GDAP1: variants seen among roughly 807,000 people sequenced by gnomAD.
The protein encoded by GDAP1 is ganglioside-induced differentiation-associated protein 1.
In GDAP1, 34 loss-of-function variants were observed where a neutral mutation model predicts 40.1. The ratio of observed to expected loss-of-function variants is 0.85; its 90% CI spans 0.64 to 1.13. The LOEUF (loss-of-function observed/expected upper bound fraction) is 1.13. GDAP1 is among the 50% of genes most tolerant of loss of function. GDAP1 has a pLI of 0.00. For synonymous variants in GDAP1, 170 were observed against 157.4 expected (o/e 1.08, Z -0.60); for missense variants, 374 against 433.7 (o/e 0.86, Z 1.22).
At chr8:74,442,447 G>T (rs925644075) in intron 2 of GDAP1, among the ~76,000 whole-genome samples, 2 of 152,110 alleles carry the variant, frequency 1.3e-5, no homozygotes, top group Admixed American at 6.5e-5. Context: ...TTAAGTTTGG[G>T]TTGCCACTCC....
rs1806548725 is a variant in GDAP1 at position 74,471,176 on chromosome 8, A to C, written c.166-17502A>C. 3.3e-5 allele frequency among the ~76,000 whole-genome samples: 5 copies of C among 151,614 alleles called. No homozygotes were observed. In the South Asian group the frequency reaches 1.0e-3, roughly 31 times the overall value. On this transcript the variant is annotated intron_variant, in intron 2 of 2. Coordinates refer to the GDAP1 transcript ENST00000523640. The stretch of plus-strand genomic sequence containing the variant: ...TTTGTCAGATGAGTAGATTGCAAAA[A>C]TTTTCTCCCATTTTGTAGGTTGCCT...
At chr8:74,359,270 A>T (rs1423257222) in intron 2 of GDAP1, among the ~76,000 whole-genome samples, 1 of 152,200 alleles carries the variant, frequency 6.6e-6, no homozygotes, top group East Asian at 1.9e-4. Context: ...CTCCAGCTCA[A>T]GTAATCTATA....
chr8:74,374,989 C>T, intron 2 of GDAP1, among the ~76,000 whole-genome samples: 1 of 152,216 alleles, frequency 6.6e-6, no homozygotes. Flanking sequence ...ACAAAATTAT[C>T]TTATGAGACC....
chr8:74,434,772 G>A (rs1806068889), intron 2 of GDAP1, among the ~76,000 whole-genome samples: 1 of 152,154 alleles, frequency 6.6e-6, no homozygotes, highest in African/African-American at 2.4e-5. Context: ...CCTTCAGGTG[G>A]TAGTTGAGTT....
At chr8:74,429,288 C>G (rs891121950) in intron 2 of GDAP1, among the ~76,000 whole-genome samples, 1 of 151,692 alleles carries the variant, frequency 6.6e-6, no homozygotes, top group Admixed American at 6.6e-5. Context: ...AGGAATAGAA[C>G]TTAAAGTATA....
chr8:74,434,335 T>C (rs914070186), intron 2 of GDAP1, among the ~76,000 whole-genome samples: 1 of 152,254 alleles, frequency 6.6e-6, no homozygotes, highest in Admixed American at 6.5e-5. Context: ...AGTTAAACTC[T>C]AGACACTTTC....
chr8:74,458,425 C>T (rs934149356), intron 2 of GDAP1, among the ~76,000 whole-genome samples: 19 of 152,270 alleles, frequency 1.2e-4, no homozygotes, highest in South Asian at 1.0e-3. Flanking sequence ...GCCCATGGCC[C>T]ACTTACATGG....
At position 74,372,799 on chromosome 8, in the gene GDAP1, G is replaced by T. The variant is rs565052998; in HGVS notation, c.165+21478G>T. On this transcript the variant is annotated intron_variant, in intron 2 of 2. Transcript: ENST00000523640. ...GATTCCATTTGTCAATTTTGGCTTTGGTTGCCATTGCTTTTGGTGTTTTAG... is the reference window on the plus strand; with the variant it reads ...GATTCCATTTGTCAATTTTGGCTTTTGTTGCCATTGCTTTTGGTGTTTTAG... Among the ~76,000 whole-genome samples the T allele has an allele frequency of 4.5e-3, 683 of 152,184 alleles. 4 individuals are homozygous for T. The highest frequency in any genetic ancestry group is 8.6e-3 in the African/African-American group (359 of 41,532).
intron 2 of GDAP1, among the ~76,000 whole-genome samples, chr8:74,446,403 C>G (rs1190322203): frequency 6.6e-6 from 1 of 152,092 alleles, no homozygotes; most frequent in Non-Finnish European, 1.5e-5. Context: ...GCTGACCTGT[C>G]TGTGATGGGT....
At chr8:74,444,000 A>G (rs1586836973) in intron 2 of GDAP1, among the ~76,000 whole-genome samples, 1 of 142,512 alleles carries the variant, frequency 7.0e-6, no homozygotes, top group South Asian at 2.4e-4. Context: ...CTATCTATCT[A>G]TCTATCTATC....
intron 2 of GDAP1, among the ~76,000 whole-genome samples, chr8:74,472,813 G>C (rs1213847668): frequency 6.6e-6 from 1 of 151,756 alleles, no homozygotes; most frequent in Non-Finnish European, 1.5e-5. Flanking sequence ...GCAGTGTTGT[G>C]ATCTCTTGAT....
intron 2 of GDAP1, among the ~76,000 whole-genome samples, chr8:74,397,834 T>C (rs565459765): frequency 5.3e-5 from 8 of 152,042 alleles, no homozygotes; most frequent in East Asian, 3.9e-4. Context: ...GACTTGGCGA[T>C]GCGGGCTCTT....
intron 2 of GDAP1, among the ~76,000 whole-genome samples, chr8:74,455,543 A>G (rs1806326229): frequency 6.6e-6 from 1 of 152,014 alleles, no homozygotes; most frequent in Non-Finnish European, 1.5e-5. Context: ...ACACATAATT[A>G]TTAGAAATAT....
At chr8:74,486,978 A>C (rs1806783850) in intron 2 of GDAP1, among the ~76,000 whole-genome samples, 2 of 152,126 alleles carry the variant, frequency 1.3e-5, no homozygotes, top group South Asian at 4.1e-4. Flanking sequence ...ACTTACTAAC[A>C]AGCTATGTAA....
At chr8:74,386,062 T>C (rs4581046) in intron 2 of GDAP1, among the ~76,000 whole-genome samples, 6,607 of 152,324 alleles carry the variant, frequency 0.043, 212 homozygotes, top group East Asian at 0.1. Flanking sequence ...TAAATTTGTT[T>C]AAGTTTCTTA....
chr8:74,407,645 C>T (rs965285125), intron 2 of GDAP1, among the ~76,000 whole-genome samples: 1 of 149,926 alleles, frequency 6.7e-6, no homozygotes, highest in Non-Finnish European at 1.5e-5. Flanking sequence ...CCTTACTAAA[C>T]TTCCATTCAT....
At chr8:74,385,507 C>T (rs1810013029) in intron 2 of GDAP1, among the ~76,000 whole-genome samples, 1 of 152,138 alleles carries the variant, frequency 6.6e-6, no homozygotes, top group Non-Finnish European at 1.5e-5. Flanking sequence ...AGAACACGAA[C>T]TCATCCTTTT....
At chr8:74,429,276 T>C (rs1310058003) in intron 2 of GDAP1, among the ~76,000 whole-genome samples, 1 of 152,044 alleles carries the variant, frequency 6.6e-6, no homozygotes, top group East Asian at 1.9e-4. Flanking sequence ...TCTAGATCCC[T>C]GAGGAATAGA....
chr8:74,354,284 A>G (rs1409149586), intron 2 of GDAP1, among the ~76,000 whole-genome samples: 1 of 152,198 alleles, frequency 6.6e-6, no homozygotes, highest in Non-Finnish European at 1.5e-5. Context: ...ATTATCCCCA[A>G]TGCCTTATAC....
Sources: gnomAD v4.1 joint callset for allele counts (sites outside exome capture counted in the v4.1 genomes callset) on GRCh38, gnomAD v4.1.1 for gene constraint, MANE v1.5 for transcripts, NCBI Gene and HGNC (gene_info 2026-07-23, HGNC 2026-07-21) for gene names.